The following HNRNPM variants were observed in gnomAD, a reference collection of about 807,000 sequenced individuals.
The protein encoded by HNRNPM is heterogeneous nuclear ribonucleoprotein M, also known as CEA receptor.
Under a neutral mutation model 73.1 loss-of-function variants are expected in HNRNPM, and 11 were observed. That is an observed-to-expected ratio of 0.15 (90% confidence interval 0.09 to 0.25). The LOEUF is 0.25. Ranked by LOEUF, HNRNPM falls within the 10% of genes least tolerant of loss-of-function variation. HNRNPM has a pLI of 1.00. For synonymous variants in HNRNPM, 407 were observed against 355.2 expected (o/e 1.15, Z -1.64); for missense variants, 789 against 1,067.9 (o/e 0.74, Z 3.64).
chr19:8,470,903 G>A (rs1599805923), intron 9 of HNRNPM, among the ~76,000 whole-genome samples: 1 of 152,132 alleles, frequency 6.6e-6, no homozygotes, highest in East Asian at 1.9e-4. Flanking sequence ...GGACACCCAG[G>A]ATGTTGATTG....
intron 1 of HNRNPM, among the ~76,000 whole-genome samples, chr19:8,451,051 C>T (rs1440553823): frequency 4.6e-5 from 7 of 152,206 alleles, no homozygotes; most frequent in East Asian, 1.9e-4. Flanking sequence ...GGATTACAGG[C>T]GCCTGCCACC....
intron 1 of HNRNPM, among the ~76,000 whole-genome samples, chr19:8,454,853 T>C (rs1467584813): frequency 6.6e-6 from 1 of 152,178 alleles, no homozygotes; most frequent in African/African-American, 2.4e-5. Context: ...GCCTCACCAT[T>C]GTCTCTGTTA....
intron 1 of HNRNPM, among the ~76,000 whole-genome samples, chr19:8,449,453 A>G (rs377088855): frequency 8.5e-5 from 13 of 152,280 alleles, no homozygotes; most frequent in African/African-American, 2.6e-4. Flanking sequence ...GAAGGCTAGG[A>G]GTGAATCAGT....
intron 12 of HNRNPM, among the ~76,000 whole-genome samples, chr19:8,477,507 T>A (rs1467254962): frequency 2.6e-5 from 4 of 151,738 alleles, no homozygotes; most frequent in African/African-American, 4.8e-5. Context: ...AAAATAAAAT[T>A]AGCCGGGCAT....
At chr19:8,474,332 A>G in intron 12 of HNRNPM, 88 bp downstream of exon 12, 1 of 779,954 alleles carries the variant, frequency 1.3e-6, no homozygotes. Context: ...CCCACTGAAT[A>G]AGTGGTTTCT....
Position 8,486,118 on chromosome 19 carries a change from G to A in HNRNPM, c.1690G>A (p.Glu564Lys). Reference protein sequence around the residue: ...GLERMGANNLERMGLERMGAN... With the variant: ...GLERMGANNLKRMGLERMGAN... ...GGAGCGCATGGGCGCCAACAATCTGGAGCGGATGGGCCTGGAGCGCATGGG... is the reference window on the plus strand; with the variant it reads ...GGAGCGCATGGGCGCCAACAATCTGAAGCGGATGGGCCTGGAGCGCATGGG... Residue 564 changes from glutamate (E) to lysine (K), a missense_variant, in exon 14 of 16, where the codon GAG (glutamate) becomes AAG (lysine). Around this residue, in one of 4 missense-constraint regions of HNRNPM, gnomAD observed 604 missense variants for 744.0 expected, o/e 0.81. Coordinates refer to ENST00000325495, the MANE Select transcript of HNRNPM (RefSeq NM_005968.5). 6.2e-7 allele frequency: 1 copy of A among 1,606,104 alleles called. No individual in the cohort carries two copies.
At chr19:8,455,722 T>A in intron 2 of HNRNPM, 148 bp downstream of exon 2, 3 of 520,618 alleles carry the variant, frequency 5.8e-6, no homozygotes, top group East Asian at 3.1e-5. Context: ...TTACCCCACC[T>A]CAGTTTTTTT....
At chr19:8,471,081 G>T (rs1244868260) in intron 9 of HNRNPM, among the ~76,000 whole-genome samples, 1 of 151,966 alleles carries the variant, frequency 6.6e-6, no homozygotes, top group Non-Finnish European at 1.5e-5. Context: ...TAGTGTGGGG[G>T]TTGTTAACTT....
rs530071369 is a variant in HNRNPM at position 8,480,101 on chromosome 19, G to A, written c.1121-3057G>A. 2.0e-4 allele frequency among the ~76,000 whole-genome samples: 28 copies of A among 142,084 alleles called. 1 individual carries two copies. In the South Asian group the frequency reaches 3.0e-3, roughly 15 times the overall value. The allele number at this position is 142,084 out of a possible 152,430, so 93.2% of individuals were successfully genotyped here. A position where few individuals can be genotyped will look rare whatever the true frequency, so the allele number is the denominator to read the frequency against. On this transcript the variant is annotated intron_variant, in intron 12 of 15. Coordinates refer to ENST00000325495, the MANE Select transcript of HNRNPM (RefSeq NM_005968.5). The stretch of plus-strand genomic sequence containing the variant: ...GAAATATTTTAAAACTTACTGGCCG[G>A]GCGCGGTGGCTCATGCCTGTATTCC...
intron 1 of HNRNPM, 169 bp downstream of exon 1, chr19:8,445,280 C>A: frequency 1.9e-6 from 1 of 529,072 alleles, no homozygotes; most frequent in Non-Finnish European, 3.0e-6. Context: ...AGCGGGGAGC[C>A]GGGGGAGCCT....
intron 2 of HNRNPM, among the ~76,000 whole-genome samples, chr19:8,457,198 G>T (rs1969084157): frequency 6.6e-6 from 1 of 152,202 alleles, no homozygotes; most frequent in Non-Finnish European, 1.5e-5. Context: ...GTGTGAACCA[G>T]TTTTGGGACA....
intron 9 of HNRNPM, 66 bp from the exon 10 acceptor site, chr19:8,471,259 CT>C: frequency 4.0e-6 from 4 of 1,009,216 alleles, no homozygotes; most frequent in South Asian, 1.7e-5. Flanking sequence ...ACTAAACACT[CT>C]TTTCCTTTGA....
intron 9 of HNRNPM, among the ~76,000 whole-genome samples, chr19:8,470,951 T>G (rs1970085917): frequency 6.6e-6 from 1 of 152,148 alleles, no homozygotes; most frequent in Admixed American, 6.5e-5. Context: ...GAAACATCCT[T>G]TGGGCTACTA....
intron 1 of HNRNPM, among the ~76,000 whole-genome samples, chr19:8,454,162 C>T (rs1276314610): frequency 6.6e-6 from 1 of 152,314 alleles, no homozygotes; most frequent in East Asian, 1.9e-4. Context: ...TGTTTTGCAG[C>T]AATCTGCACA....
At chr19:8,469,672 A>C (rs1397313513) in intron 9 of HNRNPM, among the ~76,000 whole-genome samples, 1 of 152,214 alleles carries the variant, frequency 6.6e-6, no homozygotes, top group Non-Finnish European at 1.5e-5. Flanking sequence ...CTCAGTGCAT[A>C]CAGCGGTGGG....
intron 1 of HNRNPM, chr19:8,445,334 AG>A: frequency 2.5e-6 from 1 of 399,058 alleles, no homozygotes. Context: ...CGCCACCCTC[AG>A]TCCCTCCAGG....
At chr19:8,459,587 A>AT (rs1446336392) in intron 2 of HNRNPM, among the ~76,000 whole-genome samples, 2 of 152,212 alleles carry the variant, frequency 1.3e-5, no homozygotes, top group Non-Finnish European at 2.9e-5. Flanking sequence ...GTTAAAAAAA[A>AT]ATATATAGGT....
rs1397817449 is a variant in HNRNPM at position 8,488,722 on chromosome 19, G to A, written c.2061G>A (p.Glu687=). The A allele has an allele frequency of 6.2e-7, 1 of 1,614,050 alleles. No individual in the cohort carries two copies. ...TGCTGTACGCCGACATCAAGATGGA[G>A]AATGGGAAGTCCAAGGGGTGTGGCG... is the stretch of plus-strand genomic sequence containing the variant. The part of the protein sequence containing the change: ...GHVLYADIKM[E]NGKSKGCGVV... The change falls in exon 16 of 16, where the codon GAG becomes GAA. Residue 687 remains glutamate, a synonymous_variant. Transcript: ENST00000325495.
intron 1 of HNRNPM, among the ~76,000 whole-genome samples, chr19:8,450,738 T>A (rs938052938): frequency 2.0e-5 from 3 of 150,166 alleles, no homozygotes; most frequent in East Asian, 1.9e-4. Flanking sequence ...TTTTTTTTTT[T>A]TTTGAGATGG....
Sources: gnomAD v4.1 joint callset for allele counts (sites outside exome capture counted in the v4.1 genomes callset) on GRCh38, gnomAD v4.1.1 for gene constraint, gnomAD v4.1.1 regional missense constraint, MANE v1.5 for transcripts, NCBI Gene and HGNC (gene_info 2026-07-23, HGNC 2026-07-21) for gene names.